Variants in NUP210L observed in about 807,000 individuals in gnomAD.
The protein encoded by NUP210L is nucleoporin 210 like, also known as nuclear pore membrane glycoprotein 210-like.
In NUP210L, 74 loss-of-function variants were observed where a neutral mutation model predicts 208.5. That is an observed-to-expected ratio of 0.35 (90% CI 0.29 to 0.43). The LOEUF (loss-of-function observed/expected upper bound fraction) is 0.43, where lower values mean the gene tolerates loss of function less well. NUP210L is among the 20% of genes least tolerant of loss of function. The pLI, the probability that NUP210L is intolerant of heterozygous loss-of-function variation, is 1.00. For missense variants in NUP210L, 1,843 were observed against 2,289.4 expected (o/e 0.81, Z 3.98); for synonymous variants, 780 against 816.9 (o/e 0.95, Z 0.77).
intron 23 of NUP210L, among the ~76,000 whole-genome samples, chr1:154,055,241 G>GTC (rs1264245168): frequency 5.2e-4 from 52 of 100,732 alleles, no homozygotes; most frequent in African/African-American, 1.7e-3. Flanking sequence ...TTCTTTCTTT[G>GTC]TCTCTCTCTC....
intron 16 of NUP210L, among the ~76,000 whole-genome samples, chr1:154,076,997 A>G (rs978067205): frequency 5.9e-5 from 9 of 152,202 alleles, no homozygotes; most frequent in Non-Finnish European, 8.8e-5. Context: ...TTCACCCCTC[A>G]TAAGGGATCT....
chr1:154,019,844 T>G (rs2147924397), intron 32 of NUP210L, among the ~76,000 whole-genome samples: 2 of 152,260 alleles, frequency 1.3e-5, no homozygotes, highest in East Asian at 3.9e-4. Context: ...TAGAACCACT[T>G]GAACCCAGAA....
exon 35 of NUP210L, chr1:154,010,012 A>G (rs749532925): frequency 1.3e-5 from 21 of 1,613,126 alleles, no homozygotes; most frequent in Non-Finnish European, 1.7e-5. Flanking sequence ...GAAAGACTTT[A>G]CTTGCTGGAA....
chr1:154,034,263 T>C (rs1260084618), intron 27 of NUP210L, among the ~76,000 whole-genome samples: 4 of 152,176 alleles, frequency 2.6e-5, no homozygotes. Flanking sequence ...TTGGTATTAG[T>C]TCTCCTTTAA....
chr1:154,078,170 A>G (rs926943278), intron 16 of NUP210L, among the ~76,000 whole-genome samples: 6 of 150,050 alleles, frequency 4.0e-5, no homozygotes, highest in Non-Finnish European at 8.9e-5. Flanking sequence ...AAAATTAGCT[A>G]GGCACAGTGG....
At chr1:154,151,998 G>A (rs1659409833) in intron 2 of NUP210L, among the ~76,000 whole-genome samples, 1 of 146,320 alleles carries the variant, frequency 6.8e-6, no homozygotes, top group Non-Finnish European at 1.5e-5. Context: ...GCTGAGCCAG[G>A]AGAATCGCTT....
At position 154,015,747 on chromosome 1, in the gene NUP210L, A is replaced by C. The variant is rs543563438; in HGVS notation, c.4653+3186T>G. Among the ~76,000 whole-genome samples, 907 of 150,666 alleles carry C rather than the reference A, an allele frequency of 6.0e-3. 12 individuals carry two copies. Among genetic ancestry groups the C allele is most frequent in the African/African-American group, 0.021 (864 of 40,944 alleles). On this transcript the variant is annotated intron_variant, in intron 33 of 39. Transcript: ENST00000368559. Reference sequence around the variant, plus strand: ...AACACACACACACACACACACACACACACCCCACAGAATTAGCCGAGTGTG... The same window carrying C: ...AACACACACACACACACACACACACCCACCCCACAGAATTAGCCGAGTGTG...
Position 154,060,644 on chromosome 1 carries a change from A to G in NUP210L, c.2749-3T>C, listed in dbSNP as rs778445663. On this transcript the variant is annotated splice_region_variant and splice_polypyrimidine_tract_variant and intron_variant, in intron 19 of 39. Transcript: ENST00000368559. ...CCTTCCACAAGGCTAAATGTTTCCTATGGAAAAATCAGACAAACAATATTC... is the reference window on the plus strand; with the variant it reads ...CCTTCCACAAGGCTAAATGTTTCCTGTGGAAAAATCAGACAAACAATATTC... The G allele has an allele frequency of 1.9e-6, 3 of 1,595,902 alleles. No homozygotes were observed. In the South Asian group the frequency reaches 3.3e-5, roughly 18 times the overall value.
chr1:154,001,120 G>T (rs997717420), intron 36 of NUP210L, 60 bp from the exon 37 acceptor site: 94 of 1,360,026 alleles, frequency 6.9e-5, no homozygotes, highest in Non-Finnish European at 9.5e-5. Context: ...GTATCAGTAT[G>T]TTCCAATCTG....
intron 25 of NUP210L, 93 bp downstream of exon 25, chr1:154,054,135 C>A: frequency 7.5e-7 from 1 of 1,327,462 alleles, no homozygotes; most frequent in Non-Finnish European, 1.1e-6. Context: ...TCCTGGGCTG[C>A]TGACACCCTC....
Position 154,000,921 on chromosome 1 carries a change from GA to G in NUP210L, c.5320del (p.Ser1774ProfsTer12). 1 of 1,614,120 alleles carries G rather than the reference GA, an allele frequency of 6.2e-7. No individual in the cohort carries two copies. The highest frequency in any genetic ancestry group is 8.5e-7 in the Non-Finnish European group (1 of 1,180,014). On this transcript the variant is annotated frameshift_variant, in exon 37 of 40. Coordinates refer to ENST00000368559, the Ensembl canonical transcript of NUP210L. LOFTEE classifies it high-confidence loss of function. Reference sequence around the variant, plus strand: ...CTCACTTTGACTGGTGAGTACACAGGAAATATTGATGAAAACAGGTGATGCC... The same window carrying G: ...CTCACTTTGACTGGTGAGTACACAGGAATATTGATGAAAACAGGTGATGCC...
intron 28 of NUP210L, among the ~76,000 whole-genome samples, chr1:154,028,130 T>C (rs1042567069): frequency 2.0e-5 from 3 of 152,112 alleles, no homozygotes; most frequent in Non-Finnish European, 2.9e-5. Flanking sequence ...TCAGAGGCAG[T>C]GAAACTTACT....
exon 30 of NUP210L, chr1:154,025,561 G>T: frequency 1.2e-6 from 2 of 1,610,820 alleles, no homozygotes; most frequent in South Asian, 2.2e-5. Flanking sequence ...AGTTATGGTT[G>T]TTTGGTTGAC....
In NUP210L at chr1:154,060,462, C is replaced by T. The variant is rs942700480; in HGVS notation, c.2850+78G>A. The stretch of plus-strand genomic sequence containing the variant: ...TTACTTCTGTAACAAGTTTTAGACA[C>T]AAAATGGAATTTTTCCAATCTCCTC... On this transcript the variant is annotated intron_variant, in intron 20 of 39. Transcript: ENST00000368559. 3.4e-6 allele frequency: 3 copies of T among 876,740 alleles called. No homozygotes were observed. In the African/African-American group the frequency reaches 5.1e-5, roughly 15 times the overall value. 54.3% of individuals were successfully genotyped at this position (876,740 alleles called of 1,614,324 possible).
chr1:154,016,918 A>G (rs559674361), intron 33 of NUP210L, among the ~76,000 whole-genome samples: 8 of 152,204 alleles, frequency 5.3e-5, no homozygotes, highest in Admixed American at 3.9e-4. Context: ...GTGAGCTGAG[A>G]TCACACCACT....
chr1:154,065,829 G>A (rs1445773134), intron 17 of NUP210L, among the ~76,000 whole-genome samples: 4 of 145,504 alleles, frequency 2.7e-5, no homozygotes, highest in Non-Finnish European at 4.5e-5. Context: ...GAAGGCAGAG[G>A]TTGCAGTAAG....
At position 153,993,411 on chromosome 1, in the gene NUP210L, A is replaced by G. The variant is rs547005953; in HGVS notation, c.5492-322T>C. ...GAAACCCCGTCTCTACTAAAAATAT[A>G]AAAAATTAGCTGGGCGTGTTGGCGG... On this transcript the variant is annotated intron_variant, in intron 38 of 39. Coordinates refer to ENST00000368559, the Ensembl canonical transcript of NUP210L. 1.2e-3 allele frequency among the ~76,000 whole-genome samples: 177 copies of G among 152,052 alleles called. 1 individual carries two copies. Among genetic ancestry groups the G allele is most frequent in the African/African-American group, 4.1e-3 (171 of 41,502 alleles).
At chr1:154,067,467 A>T in intron 17 of NUP210L, among the ~76,000 whole-genome samples, 1 of 152,180 alleles carries the variant, frequency 6.6e-6, no homozygotes, top group East Asian at 1.9e-4. Context: ...GCTATTTATG[A>T]CAAACCCACA....
In NUP210L at chr1:154,155,076, C is replaced by G; in HGVS notation, c.-32G>C. 6.6e-7 allele frequency: 1 copy of G among 1,506,772 alleles called. No homozygotes were observed. Among genetic ancestry groups the G allele is most frequent in the Non-Finnish European group, 9.1e-7 (1 of 1,101,752 alleles). The allele number at this position is 1,506,772 out of a possible 1,614,324, so 93.3% of individuals were successfully genotyped here. On this transcript the variant is annotated 5_prime_UTR_variant, in exon 1 of 40. Transcript: ENST00000368559. The stretch of plus-strand genomic sequence containing the variant: ...TGCCAGGTCTCGGGTTCCCGCTCAA[C>G]TACAGCCGGCTCACAGCTCCATCAG...
Sources: allele counts gnomAD v4.1 joint callset (sites outside exome capture counted in the v4.1 genomes callset), GRCh38; gene constraint gnomAD v4.1.1; transcripts MANE v1.5; gene names NCBI Gene and HGNC (gene_info 2026-07-23, HGNC 2026-07-21).